The following PTPRD variants were observed in gnomAD, a reference collection of about 807,000 sequenced individuals.
PTPRD encodes receptor-type tyrosine-protein phosphatase delta.
PTPRD carries 34 observed loss-of-function variants against 214.5 expected under a neutral mutation model. The observed-to-expected ratio is 0.16, with a 90% CI of 0.12 to 0.21. The LOEUF is 0.21. Ranked by LOEUF, PTPRD falls within the 10% of genes least tolerant of loss-of-function variation. The probability of loss-of-function intolerance (pLI) is 1.00; values close to 1 mark genes in which losing one functional copy is unlikely to be tolerated. For synonymous variants in PTPRD, 1,128 were observed against 845.7 expected, an observed-to-expected ratio of 1.33 and a Z score of -5.79; for missense variants, 2,545 against 2,398.7, an observed-to-expected ratio of 1.06 and a Z score of -1.27.
intron 14 of PTPRD, among the ~76,000 whole-genome samples, chr9:8,549,191 A>G (rs569384191): frequency 2.0e-5 from 3 of 152,284 alleles, no homozygotes; most frequent in African/African-American, 7.2e-5. Flanking sequence ...AAGAGAAAGG[A>G]AGAGATGAGT....
At chr9:9,579,485 T>C (rs143979287) in intron 7 of PTPRD, among the ~76,000 whole-genome samples, 1 of 152,234 alleles carries the variant, frequency 6.6e-6, no homozygotes, top group African/African-American at 2.4e-5. Flanking sequence ...GCTTGTTACA[T>C]AGGTAAACGT....
intron 3 of PTPRD, among the ~76,000 whole-genome samples, chr9:10,146,039 A>G (rs1037385516): frequency 2.6e-5 from 4 of 151,978 alleles, no homozygotes; most frequent in African/African-American, 9.7e-5. Flanking sequence ...AAATAAAAGT[A>G]TGCAGATGTA....
intron 36 of PTPRD, 48 bp downstream of exon 36, chr9:8,404,489 C>T (rs1423907216): frequency 6.3e-7 from 1 of 1,583,486 alleles, no homozygotes; most frequent in Non-Finnish European, 8.6e-7. Flanking sequence ...CATGCACATA[C>T]TCAAATCCAT....
intron 14 of PTPRD, among the ~76,000 whole-genome samples, chr9:8,582,124 C>T (rs936522512): frequency 1.3e-5 from 2 of 151,906 alleles, no homozygotes; most frequent in African/African-American, 4.8e-5. Context: ...AAAGCTCGGA[C>T]ATAAGTAGGG....
chr9:9,334,495 T>C lies in PTPRD; in HGVS notation c.-203+62954A>G, dbSNP rs181558214. On this transcript the variant is annotated intron_variant, in intron 9 of 45. Coordinates refer to ENST00000381196, the MANE Select transcript of PTPRD (RefSeq NM_002839.4). ...CTTTTCCATCTGTCAAGTTCAGAAG[T>C]GACAGAATAAAATATTTGATGGTCT... 1.2e-4 allele frequency among the ~76,000 whole-genome samples: 18 copies of C among 152,070 alleles called. No individual in the cohort carries two copies. The East Asian group carries it at 1.4e-3, about 11-fold the overall frequency.
chr9:8,559,427 T>A (rs554089762), intron 14 of PTPRD, among the ~76,000 whole-genome samples: 1 of 152,216 alleles, frequency 6.6e-6, no homozygotes, highest in African/African-American at 2.4e-5. Context: ...TGCAATCAAA[T>A]TTTACTTAAT....
intron 2 of PTPRD, among the ~76,000 whole-genome samples, chr9:10,411,933 G>A (rs1409618088): frequency 1.3e-5 from 2 of 151,766 alleles, no homozygotes; most frequent in East Asian, 2.0e-4. Flanking sequence ...AATGCATATG[G>A]ATGAAAAGTA....
In PTPRD at chr9:8,920,940, C is replaced by T. The variant is rs141780763; in HGVS notation, c.-104+97757G>A. ...GCGATTCTCCTGCCTCAGCCTCCTG[C>T]GTAGCTGGGATTACAGACGCACGCC... On this transcript the variant is annotated intron_variant, in intron 11 of 45. Coordinates refer to ENST00000381196, the MANE Select transcript of PTPRD (RefSeq NM_002839.4). 1.2e-3 allele frequency among the ~76,000 whole-genome samples: 186 copies of T among 152,174 alleles called. 1 individual carries two copies. The East Asian group carries it at 0.032, about 26-fold the overall frequency.
intron 7 of PTPRD, among the ~76,000 whole-genome samples, chr9:9,584,201 T>C (rs2154317514): frequency 6.6e-6 from 1 of 151,958 alleles, no homozygotes; most frequent in South Asian, 2.1e-4. Flanking sequence ...ATCTCAGAAA[T>C]AGTTTATATA....
At chr9:9,916,916 T>A (rs897484816) in intron 5 of PTPRD, among the ~76,000 whole-genome samples, 4 of 151,904 alleles carry the variant, frequency 2.6e-5, no homozygotes, top group African/African-American at 9.6e-5. Context: ...GAGGAACATT[T>A]GAAATAATAC....
chr9:8,733,028 T>C (rs776966774), intron 12 of PTPRD, among the ~76,000 whole-genome samples: 1 of 152,170 alleles, frequency 6.6e-6, no homozygotes, highest in Non-Finnish European at 1.5e-5. Flanking sequence ...CTTTCTCCAA[T>C]ACTATCTCTT....
At chr9:9,538,095 C>G (rs1292059833) in intron 8 of PTPRD, among the ~76,000 whole-genome samples, 1 of 151,856 alleles carries the variant, frequency 6.6e-6, no homozygotes, top group Non-Finnish European at 1.5e-5. Context: ...GGTACACTTT[C>G]TATACCACTA....
At chr9:9,428,903 A>AGT (rs2082039926) in intron 8 of PTPRD, among the ~76,000 whole-genome samples, 1 of 152,244 alleles carries the variant, frequency 6.6e-6, no homozygotes, top group Non-Finnish European at 1.5e-5. Context: ...CATTTAAAGC[A>AGT]GTGTGTAGAG....
intron 10 of PTPRD, among the ~76,000 whole-genome samples, chr9:9,160,308 T>C (rs1208120958): frequency 6.6e-6 from 1 of 151,990 alleles, no homozygotes; most frequent in Non-Finnish European, 1.5e-5. Flanking sequence ...AAGCCAAAAA[T>C]ATATAAGGAA....
At chr9:10,481,562 C>G (rs558112152) in intron 2 of PTPRD, among the ~76,000 whole-genome samples, 2 of 152,240 alleles carry the variant, frequency 1.3e-5, no homozygotes, top group South Asian at 4.1e-4. Flanking sequence ...ATCAATGTCT[C>G]TTAGCCTCAT....
intron 11 of PTPRD, 110 bp from the exon 12 acceptor site, chr9:8,734,056 T>C (rs1304124734): frequency 6.9e-6 from 4 of 583,760 alleles, no homozygotes; most frequent in Admixed American, 3.0e-5. Flanking sequence ...ACACAATCCA[T>C]TGTAAATACA....
At chr9:9,832,418 T>C (rs999751816) in intron 5 of PTPRD, among the ~76,000 whole-genome samples, 7 of 152,120 alleles carry the variant, frequency 4.6e-5, no homozygotes, top group African/African-American at 1.2e-4. Context: ...ATAGCAGATA[T>C]TACTGATGGA....
intron 11 of PTPRD, among the ~76,000 whole-genome samples, chr9:8,919,840 G>GTGCATGTATCATGCATACATAGATGTACA (rs1443089227): frequency 0.095 from 13,726 of 144,864 alleles, 1,203 homozygotes; most frequent in East Asian, 0.16. Context: ...GCATACATAC[G>GTGCATGTATCATGCATACATAGATGTACA]TGCATGTATC....
intron 8 of PTPRD, among the ~76,000 whole-genome samples, chr9:9,412,406 G>A (rs953465066): frequency 2.6e-5 from 4 of 152,090 alleles, no homozygotes; most frequent in African/African-American, 9.7e-5. Flanking sequence ...CAGCACTGCA[G>A]CCACTGTGGT....
Sources: allele counts gnomAD v4.1 joint callset (sites outside exome capture counted in the v4.1 genomes callset), GRCh38; gene constraint gnomAD v4.1.1; transcripts MANE v1.5; gene names NCBI Gene and HGNC (gene_info 2026-07-23, HGNC 2026-07-21).